Variants in MECOM observed in about 807,000 individuals in gnomAD.
The protein encoded by MECOM is MDS1 and EVI1 complex locus, also known as histone-lysine N-methyltransferase MECOM.
MECOM carries 13 observed loss-of-function variants against 116.3 expected under a neutral mutation model. The observed-to-expected ratio is 0.11, with a 90% CI of 0.07 to 0.18. MECOM has a LOEUF of 0.18. Ranked by LOEUF, MECOM falls within the 10% of genes least tolerant of loss-of-function variation. MECOM has a pLI of 1.00. For synonymous variants in MECOM, 528 were observed against 535.2 expected, an observed-to-expected ratio of 0.99 and a Z score of 0.19; for missense variants, 1,299 against 1,509.0, an observed-to-expected ratio of 0.86 and a Z score of 2.31.
intron 2 of MECOM, among the ~76,000 whole-genome samples, chr3:169,267,165 G>A (rs1016060992): frequency 1.3e-5 from 2 of 152,220 alleles, no homozygotes; most frequent in African/African-American, 4.8e-5. Flanking sequence ...TACTACAGCA[G>A]GAAGTTAGAA....
chr3:169,475,132 C>T (rs1369717307), intron 1 of MECOM, among the ~76,000 whole-genome samples: 1 of 152,130 alleles, frequency 6.6e-6, no homozygotes, highest in Non-Finnish European at 1.5e-5. Context: ...AACAAATGCA[C>T]ATACAAATCA....
chr3:169,576,645 A>G (rs1460817781), intron 1 of MECOM, among the ~76,000 whole-genome samples: 1 of 152,154 alleles, frequency 6.6e-6, no homozygotes, highest in Non-Finnish European at 1.5e-5. Context: ...ATAATAGCAT[A>G]TACTCTGTAC....
rs577516253 is a variant in MECOM, at chr3:169,193,388, G to A, written c.376-49556C>T. Among the ~76,000 whole-genome samples, 4 of 152,082 alleles carry A rather than the reference G, an allele frequency of 2.6e-5. No homozygotes were observed. The South Asian group carries it at 8.3e-4, about 32-fold the overall frequency. On this transcript the variant is annotated intron_variant, in intron 2 of 16. Coordinates refer to ENST00000651503, the MANE Select transcript of MECOM (RefSeq NM_004991.4). ...GTTGAACATCACTGGAATTCGGAGT[G>A]AGCTAATATCAGAAGACATTGTCAA...
At chr3:169,146,624 G>A (rs1029019850) in intron 2 of MECOM, 21 of 1,368,464 alleles carry the variant, frequency 1.5e-5, no homozygotes, top group Admixed American at 5.7e-5. Flanking sequence ...GGGGCGGGGG[G>A]CGCCCGTAGA....
intron 1 of MECOM, among the ~76,000 whole-genome samples, chr3:169,385,699 A>T (rs1733209535): frequency 6.6e-6 from 1 of 152,210 alleles, no homozygotes; most frequent in African/African-American, 2.4e-5. Flanking sequence ...CTGCTAAAAC[A>T]TTTCATCTAA....
intron 2 of MECOM, among the ~76,000 whole-genome samples, chr3:169,174,446 C>G (rs1744862913): frequency 6.6e-6 from 1 of 152,040 alleles, no homozygotes; most frequent in Admixed American, 6.6e-5. Context: ...ACTACAAGGA[C>G]AGGTAGAAAA....
intron 1 of MECOM, among the ~76,000 whole-genome samples, chr3:169,650,458 C>T (rs1298683851): frequency 6.6e-6 from 1 of 152,056 alleles, no homozygotes; most frequent in Non-Finnish European, 1.5e-5. Flanking sequence ...TATCCTTACC[C>T]AGTTTGGGCT....
At chr3:169,176,973 C>T (rs1327118922) in intron 2 of MECOM, among the ~76,000 whole-genome samples, 1 of 152,060 alleles carries the variant, frequency 6.6e-6, no homozygotes, top group Non-Finnish European at 1.5e-5. Context: ...ACAATAGATG[C>T]TGGTGAGGCT....
At chr3:169,592,681 T>G (rs750249992) in intron 1 of MECOM, among the ~76,000 whole-genome samples, 11 of 152,218 alleles carry the variant, frequency 7.2e-5, no homozygotes, top group Non-Finnish European at 1.5e-4. Flanking sequence ...TAGTTGTTTT[T>G]TATATGATAG....
intron 1 of MECOM, among the ~76,000 whole-genome samples, chr3:169,546,179 A>G (rs1025421837): frequency 2.6e-5 from 4 of 152,198 alleles, no homozygotes; most frequent in African/African-American, 4.8e-5. Flanking sequence ...AATTGTATAT[A>G]TAAGAGCCTA....
intron 1 of MECOM, among the ~76,000 whole-genome samples, chr3:169,602,789 A>G (rs975179058): frequency 9.2e-5 from 14 of 152,336 alleles, no homozygotes; most frequent in African/African-American, 1.9e-4. Flanking sequence ...CCCTTCCCCA[A>G]TCACTCATGA....
intron 2 of MECOM, among the ~76,000 whole-genome samples, chr3:169,325,658 C>T (rs868254293): frequency 2.0e-5 from 3 of 152,324 alleles, no homozygotes; most frequent in Middle Eastern, 3.4e-3. Flanking sequence ...ATACAATCTT[C>T]TGACGTCTGA....
rs180769413 is a variant in MECOM, at chr3:169,590,214, G to A, written c.37+73122C>T. On this transcript the variant is annotated intron_variant, in intron 1 of 16. Coordinates refer to ENST00000651503, the MANE Select transcript of MECOM (RefSeq NM_004991.4). Reference sequence around the variant, plus strand: ...TTTTCTAACATGCTACATCTCTGGGGGAAAATATCTACTGATTTGATGAAT... The same window carrying A: ...TTTTCTAACATGCTACATCTCTGGGAGAAAATATCTACTGATTTGATGAAT... Among the ~76,000 whole-genome samples, 218 of 152,262 alleles carry A rather than the reference G, an allele frequency of 1.4e-3. 1 individual carries two copies. Among genetic ancestry groups the A allele is most frequent in the African/African-American group, 4.7e-3 (195 of 41,542 alleles).
At chr3:169,572,874 T>C (rs939844798) in intron 1 of MECOM, among the ~76,000 whole-genome samples, 2 of 152,054 alleles carry the variant, frequency 1.3e-5, no homozygotes, top group African/African-American at 4.8e-5. Flanking sequence ...AAATACCTAA[T>C]GTAGATGACA....
intron 1 of MECOM, among the ~76,000 whole-genome samples, chr3:169,388,248 T>C (rs1273879): frequency 1 from 152,258 of 152,272 alleles, 76,122 homozygotes; most frequent in Middle Eastern, 1. Context: ...AAATTAAAAC[T>C]GGACATGCTC....
At chr3:169,306,154 G>T (rs1318854549) in intron 2 of MECOM, among the ~76,000 whole-genome samples, 2 of 151,856 alleles carry the variant, frequency 1.3e-5, no homozygotes, top group Non-Finnish European at 2.9e-5. Flanking sequence ...AAGCATTATC[G>T]AGGTAATAAA....
intron 2 of MECOM, among the ~76,000 whole-genome samples, chr3:169,254,217 A>G (rs954789294): frequency 1.8e-4 from 27 of 152,120 alleles, no homozygotes; most frequent in African/African-American, 5.8e-4. Context: ...GTTGAAATCT[A>G]TGTCGTAGGG....
chr3:169,469,047 T>C (rs1455110444), intron 1 of MECOM, among the ~76,000 whole-genome samples: 1 of 152,188 alleles, frequency 6.6e-6, no homozygotes, highest in African/African-American at 2.4e-5. Context: ...AAAATTAATA[T>C]TCTAATAGTA....
intron 2 of MECOM, among the ~76,000 whole-genome samples, chr3:169,227,293 T>A (rs1412033914): frequency 1.3e-5 from 2 of 152,166 alleles, no homozygotes; most frequent in Non-Finnish European, 2.9e-5. Context: ...AATATTTTGA[T>A]TATAAAATAT....
Sources: allele counts gnomAD v4.1 joint callset (sites outside exome capture counted in the v4.1 genomes callset), GRCh38; gene constraint gnomAD v4.1.1; transcripts MANE v1.5; gene names NCBI Gene and HGNC (gene_info 2026-07-23, HGNC 2026-07-21).